The following RHEX variants were observed in gnomAD, a reference collection of about 807,000 sequenced individuals.
RHEX encodes regulator of hemoglobinization and erythroid cell expansion.
In RHEX, 18 loss-of-function variants were observed where a neutral mutation model predicts 20.1. That is an observed-to-expected ratio of 0.90 (90% CI 0.62 to 1.33). RHEX has a LOEUF of 1.33. Among genes scored for constraint, RHEX ranks in the 40% most tolerant of loss-of-function variants. The probability of loss-of-function intolerance (pLI) is 0.00; values close to 1 mark genes in which losing one functional copy is unlikely to be tolerated. For missense variants in RHEX, 192 were observed against 214.3 expected (o/e 0.90, Z 0.65); for synonymous variants, 87 against 77.1 (o/e 1.13, Z -0.67).
At chr1:206,076,267 G>A (rs935291738) in intron 1 of RHEX, among the ~76,000 whole-genome samples, 3 of 151,370 alleles carry the variant, frequency 2.0e-5, no homozygotes, top group Non-Finnish European at 4.4e-5. Context: ...CCATCCTCCC[G>A]CCTCACCTTC....
rs140478992 is a variant in RHEX, at chr1:206,095,126, G to C, written c.-96-2607G>C. 2.1e-3 allele frequency among the ~76,000 whole-genome samples: 326 copies of C among 152,010 alleles called. 4 individuals carry two copies. Among genetic ancestry groups the C allele is most frequent in the African/African-American group, 7.1e-3 (295 of 41,436 alleles). ...CTGGCTCCAAATGTCAGATACTACC[G>C]AGAAACACTGATCAAGGGCAATGGT... On this transcript the variant is annotated intron_variant, in intron 1 of 5. Coordinates refer to ENST00000331555, the MANE Select transcript of RHEX (RefSeq NM_001007544.4).
intron 1 of RHEX, among the ~76,000 whole-genome samples, chr1:206,089,651 G>A (rs547335286): frequency 3.3e-5 from 5 of 151,878 alleles, no homozygotes; most frequent in Non-Finnish European, 5.9e-5. Context: ...TGCTGTTTGG[G>A]GGCCCTAGTG....
At chr1:206,060,859 A>C (rs1662296646) in intron 1 of RHEX, 1 of 152,242 alleles carries the variant, frequency 6.6e-6, no homozygotes, top group Non-Finnish European at 1.5e-5. Context: ...TGGCCCTGGA[A>C]CTGGGAATGA....
At chr1:206,070,537 T>C (rs1662505953) in intron 1 of RHEX, among the ~76,000 whole-genome samples, 1 of 152,226 alleles carries the variant, frequency 6.6e-6, no homozygotes, top group African/African-American at 2.4e-5. Context: ...TGCACAGTCC[T>C]GAGAGAAATC....
intron 1 of RHEX, among the ~76,000 whole-genome samples, chr1:206,065,925 G>A (rs1662413026): frequency 6.6e-6 from 1 of 152,226 alleles, no homozygotes; most frequent in African/African-American, 2.4e-5. Context: ...ATCTGCTTTA[G>A]CCAGGACTGG....
chr1:206,076,674 A>G (rs1420992239), intron 1 of RHEX, among the ~76,000 whole-genome samples: 1 of 152,226 alleles, frequency 6.6e-6, no homozygotes, highest in African/African-American at 2.4e-5. Flanking sequence ...TGTGACCAGC[A>G]TATCCTTAGA....
Position 206,101,813 on chromosome 1 carries a change from A to T in RHEX, c.380A>T (p.Asp127Val). 6.2e-7 allele frequency: 1 copy of T among 1,613,874 alleles called. No individual in the cohort carries two copies. The highest frequency in any genetic ancestry group is 8.5e-7 in the Non-Finnish European group (1 of 1,179,940). Reference sequence around the variant, plus strand: ...TCTGACCCTGGAGAACTAAAAAATGACTCCCCGCTGGACTATGAGAACATA... The same window carrying T: ...TCTGACCCTGGAGAACTAAAAAATGTCTCCCCGCTGGACTATGAGAACATA... The part of the protein sequence containing the change: ...VFSDPGELKN[D>V]SPLDYENIKE... The change falls in exon 6 of 6, where the codon GAC (aspartate) becomes GTC (valine). Residue 127 changes from aspartate to valine, a missense_variant. Asp to Val is a radical substitution (Grantham distance 152, BLOSUM62 -3). Transcript: ENST00000331555.
rs143789685 is a variant in RHEX at position 206,074,682 on chromosome 1, G to C, written c.-97+21417G>C. 1.8e-4 allele frequency among the ~76,000 whole-genome samples: 28 copies of C among 152,196 alleles called. No homozygotes were observed. The East Asian group carries it at 5.4e-3, about 29-fold the overall frequency. ...TTTCCTTTATATTATTACAGGTTCG[G>C]TACCCCTACTCTGAAAATCTGAAAT... On this transcript the variant is annotated intron_variant, in intron 1 of 5. Coordinates refer to ENST00000331555, the MANE Select transcript of RHEX (RefSeq NM_001007544.4).
intron 1 of RHEX, among the ~76,000 whole-genome samples, chr1:206,075,688 C>T (rs1439305202): frequency 6.6e-6 from 1 of 151,794 alleles, no homozygotes; most frequent in Admixed American, 6.6e-5. Context: ...GCCACCTCCA[C>T]CTCCTGGGTT....
intron 1 of RHEX, among the ~76,000 whole-genome samples, chr1:206,054,548 T>A (rs1571846623): frequency 6.6e-6 from 1 of 152,258 alleles, no homozygotes; most frequent in East Asian, 1.9e-4. Flanking sequence ...GTAAACATAT[T>A]AGCTAAAGTT....
At chr1:206,089,070 T>C (rs987074758) in intron 1 of RHEX, among the ~76,000 whole-genome samples, 3 of 152,202 alleles carry the variant, frequency 2.0e-5, no homozygotes, top group African/African-American at 7.2e-5. Flanking sequence ...TGCTACATGA[T>C]GATTAGAGAC....
intron 1 of RHEX, among the ~76,000 whole-genome samples, chr1:206,090,047 A>G (rs1270306409): frequency 3.9e-5 from 6 of 152,074 alleles, no homozygotes; most frequent in African/African-American, 1.4e-4. Flanking sequence ...CTTGTGGGCA[A>G]CATTTGTTAA....
chr1:206,101,924 C>T lies in RHEX; in HGVS notation c.491C>T (p.Pro164Leu). 3 of 1,613,952 alleles carry T rather than the reference C, an allele frequency of 1.9e-6. No individual in the cohort carries two copies. The highest frequency in any genetic ancestry group is 1.3e-5 in the African/African-American group (1 of 75,038). The change falls in exon 6 of 6, where the codon CCA becomes CTA. Residue 164 changes from proline to leucine, a missense_variant. Transcript: ENST00000331555. ...TTTGTCAACCCTGCTCTGTCTGAGC[C>T]AGCGGAATATGATCAAGTGGCCATG... ...WYFVNPALSEPAEYDQVAM is the reference protein window; with the variant it reads ...WYFVNPALSELAEYDQVAM
At chr1:206,075,740 C>T (rs1006866962) in intron 1 of RHEX, among the ~76,000 whole-genome samples, 20 of 151,900 alleles carry the variant, frequency 1.3e-4, no homozygotes, top group Admixed American at 3.9e-4. Flanking sequence ...GCTGGGATTA[C>T]GGGTGCCCAC....
intron 1 of RHEX, among the ~76,000 whole-genome samples, chr1:206,066,762 A>G (rs1156247242): frequency 3.3e-5 from 5 of 152,198 alleles, no homozygotes; most frequent in African/African-American, 1.2e-4. Context: ...GTTATAGGAC[A>G]ATCTTATAAA....
intron 1 of RHEX, among the ~76,000 whole-genome samples, chr1:206,088,926 C>G (rs1347079871): frequency 6.6e-6 from 1 of 151,960 alleles, no homozygotes; most frequent in South Asian, 2.1e-4. Context: ...CTCAAGTGAT[C>G]CTCCTGCTTC....
chr1:206,080,647 C>G (rs1336896961), intron 1 of RHEX, among the ~76,000 whole-genome samples: 1 of 152,150 alleles, frequency 6.6e-6, no homozygotes, highest in Non-Finnish European at 1.5e-5. Context: ...TGTTTGATCT[C>G]CCCTTGCATC....
rs71152465 is a variant in RHEX, at chr1:206,080,982, T to TACACACACAC, written c.-96-16741_-96-16732dup. 4.0e-3 allele frequency among the ~76,000 whole-genome samples: 593 copies of TACACACACAC among 149,898 alleles called. 5 individuals carry two copies. The highest frequency in any genetic ancestry group is 0.013 in the African/African-American group (547 of 40,860). On this transcript the variant is annotated intron_variant, in intron 1 of 5. Coordinates refer to ENST00000331555, the MANE Select transcript of RHEX (RefSeq NM_001007544.4). ...CACATCCAGCTAATTTTTTTGTACA[T>TACACACACAC]ACACACACACACACACACAGACACA...
intron 1 of RHEX, among the ~76,000 whole-genome samples, chr1:206,082,244 G>T (rs1256490601): frequency 6.6e-6 from 1 of 152,098 alleles, no homozygotes; most frequent in Non-Finnish European, 1.5e-5. Context: ...GCGGCTGGGC[G>T]CTGTGGCTCA....
Sources: gnomAD v4.1 joint callset for allele counts (sites outside exome capture counted in the v4.1 genomes callset) on GRCh38, gnomAD v4.1.1 for gene constraint, MANE v1.5 for transcripts, NCBI Gene and HGNC (gene_info 2026-07-23, HGNC 2026-07-21) for gene names.